Variants in SEMA4D observed in about 807,000 individuals in gnomAD.
SEMA4D encodes the protein semaphorin 4D.
SEMA4D carries 22 observed loss-of-function variants against 74.8 expected under a neutral mutation model. That is an observed-to-expected ratio of 0.29 (90% CI 0.21 to 0.42). The LOEUF (loss-of-function observed/expected upper bound fraction) is 0.42, where lower values mean the gene tolerates loss of function less well. SEMA4D is among the 10% of genes least tolerant of loss of function. The pLI, the probability that SEMA4D is intolerant of heterozygous loss-of-function variation, is 1.00. For synonymous variants in SEMA4D, 445 were observed against 463.7 expected, an observed-to-expected ratio of 0.96 and a Z score of 0.52; for missense variants, 937 against 1,118.4, an observed-to-expected ratio of 0.84 and a Z score of 2.31.
intron 1 of SEMA4D, among the ~76,000 whole-genome samples, chr9:89,488,350 A>ATTTTTTTTT (rs1222488409): frequency 2.1e-4 from 17 of 80,412 alleles, no homozygotes; most frequent in Non-Finnish European, 3.7e-4. Flanking sequence ...TGGATCACAG[A>ATTTTTTTTT]TCTTTTTTTT....
chr9:89,488,910 A>C (rs1483109994), intron 1 of SEMA4D, among the ~76,000 whole-genome samples: 1 of 152,238 alleles, frequency 6.6e-6, no homozygotes, highest in Non-Finnish European at 1.5e-5. Context: ...AAAAGGTTTG[A>C]GTCAAGAATA....
At chr9:89,423,186 CTT>C (rs11297429) in intron 2 of SEMA4D, among the ~76,000 whole-genome samples, 267 of 144,292 alleles carry the variant, frequency 1.9e-3, no homozygotes, top group Non-Finnish European at 2.2e-3. Context: ...CTAGCTCAAA[CTT>C]TTTTTTTTTT....
At chr9:89,364,510 C>G (rs1455110777) in intron 16 of SEMA4D, 7 of 183,680 alleles carry the variant, frequency 3.8e-5, no homozygotes, top group Admixed American at 5.3e-5. Context: ...GAGCTCAGAC[C>G]CTGGCAGGGG....
Position 89,379,382 on chromosome 9 carries a change from T to C in SEMA4D, c.1911A>G (p.Gln637=), listed in dbSNP as rs897741196. ...CTTCCAGGACGTGCTTGGCGACCAC[T>C]TGGAAGACCGTTTTGTTCTTAACCC... ...EERVKNKTVF[Q]VVAKHVLEVK... is the part of the protein sequence containing the mutation. Residue 637 remains glutamine, a synonymous_variant, in exon 16 of 16, where the codon CAA becomes CAG. Coordinates refer to ENST00000422704, the MANE Select transcript of SEMA4D (RefSeq NM_001371194.2). The C allele has an allele frequency of 1.9e-6, 3 of 1,614,200 alleles. No individual in the cohort carries two copies. Among genetic ancestry groups the C allele is most frequent in the Non-Finnish European group, 2.5e-6 (3 of 1,180,030 alleles).
intron 12 of SEMA4D, 86 bp from the exon 13 acceptor site, chr9:89,386,568 T>C: frequency 1.3e-6 from 1 of 781,940 alleles, no homozygotes; most frequent in South Asian, 1.5e-5. Flanking sequence ...TTCACACTCT[T>C]CACTCTCAAG....
intron 1 of SEMA4D, among the ~76,000 whole-genome samples, chr9:89,465,198 TTC>T (rs1858360288): frequency 1.3e-5 from 2 of 152,086 alleles, no homozygotes; most frequent in Non-Finnish European, 2.9e-5. Flanking sequence ...CATGACCAGA[TTC>T]TCACTTTAAA....
intron 1 of SEMA4D, among the ~76,000 whole-genome samples, 170 bp downstream of exon 1, chr9:89,497,749 G>A (rs868205411): frequency 6.6e-6 from 1 of 151,292 alleles, no homozygotes; most frequent in African/African-American, 2.4e-5. Flanking sequence ...AGGAGTCCAG[G>A]GGTCCGGGGA....
rs144618507 is a variant in SEMA4D, at chr9:89,423,547, G to A, written c.-243-17848C>T. 2.4e-3 allele frequency among the ~76,000 whole-genome samples: 370 copies of A among 152,194 alleles called. 2 individuals carry two copies. Among genetic ancestry groups the A allele is most frequent in the African/African-American group, 8.1e-3 (336 of 41,488 alleles). ...TATTAGAAACCTTAATTGCTTCTTAGTTTCTCCCCCAACTATGGAGGAAGC... is the reference window on the plus strand; with the variant it reads ...TATTAGAAACCTTAATTGCTTCTTAATTTCTCCCCCAACTATGGAGGAAGC... On this transcript the variant is annotated intron_variant, in intron 2 of 15. Transcript: ENST00000422704.
At chr9:89,451,987 AG>A (rs1375876326) in intron 2 of SEMA4D, among the ~76,000 whole-genome samples, 6 of 152,066 alleles carry the variant, frequency 3.9e-5, no homozygotes, top group African/African-American at 1.4e-4. Flanking sequence ...GATACTAAGC[AG>A]GGATCCTATG....
chr9:89,449,795 C>G (rs1853909158), intron 2 of SEMA4D: 2 of 1,498,076 alleles, frequency 1.3e-6, no homozygotes, highest in South Asian at 1.1e-5. Context: ...TTCCCACCAG[C>G]ATTTTGGTAA....
rs1242014604 is a variant in SEMA4D, at chr9:89,381,966, T to C, written c.1447-620A>G. The C allele has an allele frequency of 6.6e-6, 1 of 152,204 alleles. No individual in the cohort carries two copies. Among genetic ancestry groups the C allele is most frequent in the Admixed American group, 6.5e-5 (1 of 15,282 alleles). The allele number at this position is 152,204 out of a possible 1,614,324, so 9.4% of individuals were successfully genotyped here. Reference sequence around the variant, plus strand: ...AACAATGCCTTTTGCTTTTCACTTATCTATATGTAAAAGGGAAGAGCTCAC... The same window carrying C: ...AACAATGCCTTTTGCTTTTCACTTACCTATATGTAAAAGGGAAGAGCTCAC... On this transcript the variant is annotated intron_variant, in intron 13 of 15. Coordinates refer to ENST00000422704, the MANE Select transcript of SEMA4D (RefSeq NM_001371194.2). This position sits in a 1 kb window ranked among gnomAD's most constrained non-coding sequence, Gnocchi z 4.6.
chr9:89,390,347 G>A (rs930349406), intron 9 of SEMA4D, among the ~76,000 whole-genome samples: 1 of 137,878 alleles, frequency 7.3e-6, no homozygotes, highest in African/African-American at 2.8e-5. Flanking sequence ...CAAGACAGGA[G>A]CATGGCAGCC....
At chr9:89,415,237 A>G (rs1273208731) in intron 2 of SEMA4D, among the ~76,000 whole-genome samples, 1 of 152,154 alleles carries the variant, frequency 6.6e-6, no homozygotes, top group Non-Finnish European at 1.5e-5. Flanking sequence ...AGTGCTAGCA[A>G]AAATAATCAT....
chr9:89,371,007 TGTGGGGTGTGTGGTATCTGGG>T (rs1208763333), intron 16 of SEMA4D, among the ~76,000 whole-genome samples: 2 of 78,796 alleles, frequency 2.5e-5, no homozygotes, highest in Non-Finnish European at 4.8e-5. Flanking sequence ...TATGTCGGGG[TGTGGGGTGTGTGGTATCTGGG>T]GTGGGGTGTG....
exon 19 of SEMA4D, chr9:89,361,373 A>G (rs1451053036): frequency 6.6e-6 from 1 of 152,204 alleles, no homozygotes; most frequent in East Asian, 1.9e-4. Context: ...GACACTCAGT[A>G]TTTGCTAGGA....
chr9:89,497,117 A>C (rs1588216064), intron 1 of SEMA4D, among the ~76,000 whole-genome samples: 1 of 151,652 alleles, frequency 6.6e-6, no homozygotes, highest in African/African-American at 2.4e-5. Context: ...TCTCCCACCT[A>C]CCCCCCAAAA....
chr9:89,373,162 TCTCCGCCCTA>T (rs1325179095), downstream of SEMA4D, among the ~76,000 whole-genome samples: 1 of 151,946 alleles, frequency 6.6e-6, no homozygotes, highest in Non-Finnish European at 1.5e-5. Context: ...GACACAGGCC[TCTCCGCCCTA>T]CTCCGCCCAC....
At chr9:89,394,493 C>T (rs373955660) in intron 6 of SEMA4D, among the ~76,000 whole-genome samples, 7 of 152,356 alleles carry the variant, frequency 4.6e-5, no homozygotes, top group South Asian at 2.1e-4. Context: ...ACAGCACAGA[C>T]GAGAGAGGGG....
At chr9:89,476,113 G>T (rs150314644) in intron 1 of SEMA4D, among the ~76,000 whole-genome samples, 2,126 of 152,300 alleles carry the variant, frequency 0.014, 11 homozygotes, top group Non-Finnish European at 0.022. Flanking sequence ...GGTGCCATTA[G>T]AATGTAAGAA....
Sources: gnomAD v4.1 joint callset for allele counts (sites outside exome capture counted in the v4.1 genomes callset) on GRCh38, gnomAD v4.1.1 for gene constraint, Gnocchi (gnomAD v3.1) non-coding constraint, MANE v1.5 for transcripts, NCBI Gene and HGNC (gene_info 2026-07-23, HGNC 2026-07-21) for gene names.